Variants in SPAG17 observed in about 807,000 individuals in gnomAD.
The protein encoded by SPAG17 is sperm associated antigen 17.
A neutral mutation model predicts 273.6 loss-of-function variants in SPAG17; 169 were observed. That is an observed-to-expected ratio of 0.62 (90% CI 0.55 to 0.70). The LOEUF is 0.70. Among genes scored for constraint, SPAG17 ranks in the 30% least tolerant of loss-of-function variants. The pLI, the probability that SPAG17 is intolerant of heterozygous loss-of-function variation, is 0.00. For missense variants in SPAG17, 2,557 were observed against 2,627.8 expected (o/e 0.97, Z 0.59); for synonymous variants, 825 against 873.2 (o/e 0.94, Z 0.97).
intron 1 of SPAG17, among the ~76,000 whole-genome samples, chr1:118,172,584 T>C (rs1286387345): frequency 1.3e-5 from 2 of 152,150 alleles, no homozygotes; most frequent in African/African-American, 4.8e-5. Flanking sequence ...TATTTAATGA[T>C]TAAAATTGAC....
chr1:118,112,774 A>G (rs1032914515), intron 4 of SPAG17, among the ~76,000 whole-genome samples: 1 of 152,082 alleles, frequency 6.6e-6, no homozygotes, highest in Non-Finnish European at 1.5e-5. Flanking sequence ...TCTTTCTTGT[A>G]TTTCTTATAA....
At chr1:117,980,174 G>T (rs186798840) in intron 43 of SPAG17, among the ~76,000 whole-genome samples, 43 of 152,274 alleles carry the variant, frequency 2.8e-4, no homozygotes, top group African/African-American at 9.6e-4. Context: ...TTGTAGGAGA[G>T]AAGTTTAAGT....
At chr1:118,067,168 G>T (rs1437246708) in intron 17 of SPAG17, among the ~76,000 whole-genome samples, 3 of 152,166 alleles carry the variant, frequency 2.0e-5, no homozygotes, top group East Asian at 3.9e-4. Context: ...CTTCATTAAG[G>T]TTGGTAGGTA....
At chr1:117,986,092 G>A (rs577820714) in intron 40 of SPAG17, among the ~76,000 whole-genome samples, 4 of 152,188 alleles carry the variant, frequency 2.6e-5, no homozygotes, top group East Asian at 1.9e-4. Flanking sequence ...TAATCAAATT[G>A]TAACTGACTG....
In SPAG17 at chr1:118,052,045, T is replaced by C. The variant is rs1349878710; in HGVS notation, c.2814+1957A>G. 1.4e-5 allele frequency among the ~76,000 whole-genome samples: 2 copies of C among 139,600 alleles called. 1 individual carries two copies. Among genetic ancestry groups the C allele is most frequent in the East Asian group, 4.8e-4 (2 of 4,210 alleles). The allele number at this position is 139,600 out of a possible 152,430, so 91.6% of individuals were successfully genotyped here. ...TAATAGTATTATATAATAGTATATATAGTTATAATATATAGTATAATTACA... is the reference window on the plus strand; with the variant it reads ...TAATAGTATTATATAATAGTATATACAGTTATAATATATAGTATAATTACA... On this transcript the variant is annotated intron_variant, in intron 20 of 48. Transcript: ENST00000336338.
rs1034579228 is a variant in SPAG17, at chr1:118,170,633, C to T, written c.87+14438G>A. Among the ~76,000 whole-genome samples the T allele has an allele frequency of 7.2e-5, 11 of 152,220 alleles. 1 individual carries two copies. The Middle Eastern group carries it at 0.02, about 282-fold the overall frequency. ...TTTAATATTCACAGCAAGCTTTTGA[C>T]GTGGATATTATTGTCTCTATCTGAC... On this transcript the variant is annotated intron_variant, in intron 1 of 48. Coordinates refer to ENST00000336338, the MANE Select transcript of SPAG17 (RefSeq NM_206996.4).
chr1:118,053,906 T>A, intron 20 of SPAG17, 96 bp downstream of exon 20: 2 of 802,716 alleles, frequency 2.5e-6, no homozygotes, highest in South Asian at 3.7e-5. Context: ...TTCTTCCCAA[T>A]CACTATCCAC....
intron 15 of SPAG17, 68 bp downstream of exon 15, chr1:118,081,028 TTTTGA>T: frequency 1.7e-6 from 2 of 1,196,148 alleles, no homozygotes; most frequent in Non-Finnish European, 2.4e-6. Flanking sequence ...CTTAAACATT[TTTTGA>T]TTTATGTGTA....
chr1:117,961,954 CCTT>C (rs938165177), intron 48 of SPAG17: 2 of 151,792 alleles, frequency 1.3e-5, no homozygotes, highest in Admixed American at 6.6e-5. Context: ...GATTCAATAT[CCTT>C]CTTAGAGTTG....
At chr1:117,972,997 TAA>T (rs1360007356) in intron 44 of SPAG17, among the ~76,000 whole-genome samples, 1 of 152,334 alleles carries the variant, frequency 6.6e-6, no homozygotes, top group East Asian at 1.9e-4. Context: ...GATTTTATCC[TAA>T]GAGTCATGGC....
intron 4 of SPAG17, among the ~76,000 whole-genome samples, chr1:118,113,879 G>C (rs1656914903): frequency 6.6e-6 from 1 of 152,038 alleles, no homozygotes; most frequent in Admixed American, 6.6e-5. Context: ...CAAGCTACTA[G>C]AATATTTTAT....
intron 5 of SPAG17, among the ~76,000 whole-genome samples, 166 bp from the exon 6 acceptor site, chr1:118,099,966 T>C (rs1285749836): frequency 6.6e-6 from 1 of 152,250 alleles, no homozygotes; most frequent in Non-Finnish European, 1.5e-5. Context: ...TTTTTCATTA[T>C]TGCCCTTCCA....
chr1:118,099,902 CCCTCTGGCTTG>C, intron 5 of SPAG17, 102 bp from the exon 6 acceptor site: 1 of 1,006,562 alleles, frequency 9.9e-7, no homozygotes. Flanking sequence ...CATTTATAAT[CCCTCTGGCTTG>C]CCAAAAATGA....
At chr1:118,148,271 T>C (rs570082556) in intron 3 of SPAG17, among the ~76,000 whole-genome samples, 2 of 152,310 alleles carry the variant, frequency 1.3e-5, no homozygotes, top group African/African-American at 4.8e-5. Flanking sequence ...CTTCAAAGAA[T>C]GAAGCCACTG....
At chr1:117,969,645 C>A (rs1350308478) in intron 46 of SPAG17, among the ~76,000 whole-genome samples, 1 of 151,994 alleles carries the variant, frequency 6.6e-6, no homozygotes, top group Non-Finnish European at 1.5e-5. Flanking sequence ...AAATAATATT[C>A]TCTGACAAAT....
intron 18 of SPAG17, among the ~76,000 whole-genome samples, chr1:118,056,691 T>TA (rs1291947300): frequency 6.6e-6 from 1 of 152,236 alleles, no homozygotes; most frequent in African/African-American, 2.4e-5. Context: ...AAAATAAAGC[T>TA]AGATGGCTTA....
chr1:118,018,055 A>G (rs1442682251), intron 28 of SPAG17, among the ~76,000 whole-genome samples: 1 of 152,224 alleles, frequency 6.6e-6, no homozygotes, highest in Non-Finnish European at 1.5e-5. Flanking sequence ...CAAGCCATGG[A>G]CTAAGTAAAT....
chr1:118,185,035 C>T, intron 1 of SPAG17, 36 bp downstream of exon 1: 1 of 1,590,826 alleles, frequency 6.3e-7, no homozygotes, highest in Non-Finnish European at 8.6e-7. Context: ...CTGGCATTGC[C>T]GGGGGCAGGG....
chr1:118,182,030 C>G (rs1660972913), intron 1 of SPAG17, among the ~76,000 whole-genome samples: 1 of 152,072 alleles, frequency 6.6e-6, no homozygotes, highest in Admixed American at 6.6e-5. Flanking sequence ...AGCAGAGACT[C>G]CAACAGATTT....
Sources: gnomAD v4.1 joint callset for allele counts (sites outside exome capture counted in the v4.1 genomes callset) on GRCh38, gnomAD v4.1.1 for gene constraint, MANE v1.5 for transcripts, NCBI Gene and HGNC (gene_info 2026-07-23, HGNC 2026-07-21) for gene names.